Variants in NOL10 observed in about 807,000 individuals in gnomAD.
NOL10 encodes the protein H_NH0074G24.1.
In NOL10, 58 loss-of-function variants were observed where a neutral mutation model predicts 103.5. The observed-to-expected ratio is 0.56, with a 90% CI of 0.45 to 0.70. NOL10 has a LOEUF of 0.70. Ranked by LOEUF, NOL10 falls within the 30% of genes least tolerant of loss-of-function variation. NOL10 has a pLI of 0.00. For synonymous variants in NOL10, 287 were observed against 282.5 expected (o/e 1.02, Z -0.16); for missense variants, 763 against 807.3 (o/e 0.95, Z 0.67).
At chr2:10,618,962 G>C (rs2148215669) in intron 13 of NOL10, among the ~76,000 whole-genome samples, 1 of 152,244 alleles carries the variant, frequency 6.6e-6, no homozygotes, top group East Asian at 1.9e-4. Flanking sequence ...GAAGCTTCTG[G>C]GAAACCAAAG....
intron 13 of NOL10, among the ~76,000 whole-genome samples, chr2:10,640,343 G>C (rs763426526): frequency 1.7e-4 from 26 of 152,196 alleles, no homozygotes; most frequent in Non-Finnish European, 1.8e-4. Context: ...GACAAGTGGT[G>C]CTATAAAATA....
chr2:10,653,583 C>G (rs1446701389), intron 12 of NOL10, among the ~76,000 whole-genome samples: 1 of 152,120 alleles, frequency 6.6e-6, no homozygotes, highest in African/African-American at 2.4e-5. Context: ...AACCCTCTAC[C>G]ACCCACCACT....
chr2:10,622,645 T>C (rs971251364), intron 13 of NOL10, among the ~76,000 whole-genome samples: 2 of 152,146 alleles, frequency 1.3e-5, no homozygotes, highest in Admixed American at 1.3e-4. Context: ...TAATTCAACA[T>C]TGAGGCTATT....
chr2:10,674,069 T>A (rs1163581995), intron 4 of NOL10, among the ~76,000 whole-genome samples: 1 of 149,910 alleles, frequency 6.7e-6, no homozygotes, highest in African/African-American at 2.5e-5. Flanking sequence ...AGAAAAAAAA[T>A]TAGCCAGACA....
At chr2:10,686,576 T>TAG (rs1366912140) in intron 1 of NOL10, among the ~76,000 whole-genome samples, 1 of 151,588 alleles carries the variant, frequency 6.6e-6, no homozygotes, top group African/African-American at 2.4e-5. Flanking sequence ...AATAAAGGGG[T>TAG]AGAGGGTGGA....
intron 13 of NOL10, among the ~76,000 whole-genome samples, chr2:10,609,161 T>TGC (rs1676410546): frequency 2.0e-5 from 3 of 151,854 alleles, no homozygotes; most frequent in Admixed American, 2.0e-4. Context: ...AGCACATGTG[T>TGC]GCACTTGCAT....
intron 6 of NOL10, among the ~76,000 whole-genome samples, chr2:10,669,497 T>C (rs978671115): frequency 1.6e-4 from 16 of 102,250 alleles, no homozygotes; most frequent in Admixed American, 2.7e-4. Context: ...CACACACACA[T>C]ACACACACAC....
intron 19 of NOL10, among the ~76,000 whole-genome samples, chr2:10,587,154 T>TATATACATATATAC: frequency 2.8e-5 from 1 of 35,318 alleles, no homozygotes; most frequent in Non-Finnish European, 5.5e-5. Context: ...TATATACATA[T>TATATACATATATAC]ATACACATAT....
At chr2:10,612,610 C>G (rs1380143436) in intron 13 of NOL10, among the ~76,000 whole-genome samples, 1 of 152,104 alleles carries the variant, frequency 6.6e-6, no homozygotes, top group Non-Finnish European at 1.5e-5. Flanking sequence ...TCAAGCGATT[C>G]TCATACCTCA....
intron 13 of NOL10, among the ~76,000 whole-genome samples, chr2:10,636,837 A>G (rs1308706854): frequency 2.6e-5 from 4 of 152,214 alleles, no homozygotes; most frequent in African/African-American, 9.6e-5. Context: ...GGAGTTTAGA[A>G]CTAGACTAAC....
intron 8 of NOL10, among the ~76,000 whole-genome samples, chr2:10,664,074 G>GT (rs1396370873): frequency 1.3e-5 from 2 of 151,280 alleles, no homozygotes; most frequent in African/African-American, 4.9e-5. Context: ...CGAGCTGAGC[G>GT]TGCCACTGCA....
chr2:10,622,949 T>C (rs79630222), intron 13 of NOL10, among the ~76,000 whole-genome samples: 1 of 151,968 alleles, frequency 6.6e-6, no homozygotes, highest in East Asian at 1.9e-4. Flanking sequence ...AGTTCCCCTC[T>C]CTCCCCATCA....
chr2:10,662,256 CT>C (rs1680260365), intron 9 of NOL10, among the ~76,000 whole-genome samples: 1 of 84,032 alleles, frequency 1.2e-5, no homozygotes, highest in Non-Finnish European at 3.2e-5. Context: ...AAAGCACTAT[CT>C]GTCAGCTACT....
chr2:10,583,529 A>C (rs1361683275), intron 19 of NOL10, among the ~76,000 whole-genome samples: 1 of 152,208 alleles, frequency 6.6e-6, no homozygotes, highest in Non-Finnish European at 1.5e-5. Context: ...CCTTTATTTA[A>C]TGTGCACAAA....
At chr2:10,587,653 T>C (rs1053527806) in intron 19 of NOL10, among the ~76,000 whole-genome samples, 4 of 152,236 alleles carry the variant, frequency 2.6e-5, no homozygotes, top group Admixed American at 6.5e-5. Flanking sequence ...AGCTTCTTTA[T>C]TCATGGACAT....
chr2:10,639,623 T>G (rs976541265), intron 13 of NOL10, among the ~76,000 whole-genome samples: 4 of 152,158 alleles, frequency 2.6e-5, no homozygotes, highest in African/African-American at 9.7e-5. Flanking sequence ...AGAAAGGTTT[T>G]GGGTTGGGTG....
chr2:10,661,498 G>A (rs1029420544), intron 9 of NOL10, among the ~76,000 whole-genome samples: 9 of 149,338 alleles, frequency 6.0e-5, no homozygotes, highest in African/African-American at 2.2e-4. Flanking sequence ...CAGCCTCCTG[G>A]GTACTTGGGA....
chr2:10,605,779 G>A (rs1676223262), intron 14 of NOL10, among the ~76,000 whole-genome samples: 1 of 152,196 alleles, frequency 6.6e-6, no homozygotes, highest in Non-Finnish European at 1.5e-5. Context: ...ACTGCAGTAA[G>A]AAGGTCCTAT....
At chr2:10,584,692 G>GT (rs1674932024) in intron 19 of NOL10, among the ~76,000 whole-genome samples, 1 of 152,070 alleles carries the variant, frequency 6.6e-6, no homozygotes, top group South Asian at 2.1e-4. Context: ...CACTTATATA[G>GT]TTCTCAAAAA....
Sources: allele counts gnomAD v4.1 joint callset (sites outside exome capture counted in the v4.1 genomes callset), GRCh38; gene constraint gnomAD v4.1.1; transcripts MANE v1.5; gene names NCBI Gene and HGNC (gene_info 2026-07-23, HGNC 2026-07-21).